TAOK1: variants seen among roughly 807,000 people sequenced by gnomAD.
TAOK1 encodes the protein serine/threonine-protein kinase TAO1.
In TAOK1, 21 loss-of-function variants were observed where a neutral mutation model predicts 138.3. That is an observed-to-expected ratio of 0.15 (90% CI 0.11 to 0.22). The LOEUF is 0.22. Among genes scored for constraint, TAOK1 ranks in the 10% least tolerant of loss-of-function variants. The probability of loss-of-function intolerance (pLI) is 1.00; values close to 1 mark genes in which losing one functional copy is unlikely to be tolerated. For synonymous variants in TAOK1, 361 were observed against 398.4 expected (o/e 0.91, Z 1.12); for missense variants, 651 against 1,227.7 (o/e 0.53, Z 7.02).
chr17:29,441,688 T>A (rs763208233), intron 1 of TAOK1, among the ~76,000 whole-genome samples: 10 of 151,986 alleles, frequency 6.6e-5, no homozygotes, highest in Non-Finnish European at 1.2e-4. Flanking sequence ...GATCACGAGG[T>A]GAAGAATCGA....
At chr17:29,451,817 CGAGAGCGAGAGCGT>C in intron 2 of TAOK1, 137 bp downstream of exon 2, 1 of 875,730 alleles carries the variant, frequency 1.1e-6, no homozygotes, top group Non-Finnish European at 1.7e-6. Flanking sequence ...AGAGAGAGCG[CGAGAGCGAGAGCGT>C]GGGTGAGTGT....
At chr17:29,392,005 A>C (rs1438124586) in intron 1 of TAOK1, among the ~76,000 whole-genome samples, 1 of 152,206 alleles carries the variant, frequency 6.6e-6, no homozygotes, top group Non-Finnish European at 1.5e-5. Flanking sequence ...TCACGAAGTC[A>C]GGAGATCGAG....
At chr17:29,400,680 C>T (rs1007876348) in intron 1 of TAOK1, among the ~76,000 whole-genome samples, 4 of 152,104 alleles carry the variant, frequency 2.6e-5, no homozygotes, top group African/African-American at 9.6e-5. Flanking sequence ...AGAATTCCAC[C>T]TTCTGAATAG....
chr17:29,441,181 A>C (rs1300330445), intron 1 of TAOK1, among the ~76,000 whole-genome samples: 1 of 152,176 alleles, frequency 6.6e-6, no homozygotes, highest in Non-Finnish European at 1.5e-5. Flanking sequence ...GTATCAAGGC[A>C]CTACTGGCCC....
intron 15 of TAOK1, chr17:29,511,817 G>A (rs2031726296): frequency 6.6e-6 from 1 of 152,248 alleles, no homozygotes; most frequent in South Asian, 2.0e-4. Context: ...AAAGTGCTGG[G>A]ATTATAGGCA....
At position 29,421,509 on chromosome 17, in the gene TAOK1, T is replaced by G. The variant is rs142697208; in HGVS notation, c.-94-29946T>G. 1.4e-3 allele frequency among the ~76,000 whole-genome samples: 212 copies of G among 152,348 alleles called. 1 individual carries two copies. The highest frequency in any genetic ancestry group is 5.0e-3 in the African/African-American group (207 of 41,590). ...CTGGTATTATTTTTTCTTAGATATT[T>G]GATAGAATTTCCCTGTGAAACCATC... is the stretch of plus-strand genomic sequence containing the variant. On this transcript the variant is annotated intron_variant, in intron 1 of 19. Transcript: ENST00000261716.
intron 1 of TAOK1, among the ~76,000 whole-genome samples, chr17:29,406,052 C>CATACA (rs1904982213): frequency 6.6e-6 from 1 of 152,112 alleles, no homozygotes; most frequent in South Asian, 2.1e-4. Context: ...CAAGTAAATA[C>CATACA]ATACAATAGT....
intron 1 of TAOK1, among the ~76,000 whole-genome samples, chr17:29,442,010 C>T (rs757330692): frequency 9.2e-5 from 14 of 151,786 alleles, no homozygotes; most frequent in Non-Finnish European, 1.3e-4. Flanking sequence ...TTTTCAAGAA[C>T]CAACTTCTTG....
rs552915209 is a variant in TAOK1, at chr17:29,407,031, T to C, written c.-95+16007T>C. Among the ~76,000 whole-genome samples the C allele has an allele frequency of 1.2e-4, 19 of 152,318 alleles. No homozygotes were observed. In the South Asian group the frequency reaches 3.9e-3, roughly 32 times the overall value. Reference sequence around the variant, plus strand: ...TACCTCTTACAGTTCTTTCTTTTTTTAGATACAGGGTCTTGCTCTTTTGCC... The same window carrying C: ...TACCTCTTACAGTTCTTTCTTTTTTCAGATACAGGGTCTTGCTCTTTTGCC... On this transcript the variant is annotated intron_variant, in intron 1 of 19. Transcript: ENST00000261716.
chr17:29,502,798 A>G lies in TAOK1; in HGVS notation c.1338+75A>G, dbSNP rs555097337. On this transcript the variant is annotated intron_variant, in intron 13 of 19. Coordinates refer to ENST00000261716, the MANE Select transcript of TAOK1 (RefSeq NM_020791.4). ...TGGCAATATAAACTCAAGTATAGCT[A>G]TATATTGTTTTGTATTTGGGTTTTA... The G allele has an allele frequency of 2.0e-5, 30 of 1,483,796 alleles. 1 individual carries two copies. In the East Asian group the frequency reaches 5.6e-4, roughly 28 times the overall value. The allele number at this position is 1,483,796 out of a possible 1,614,324, so 91.9% of individuals were successfully genotyped here. A position where few individuals can be genotyped will look rare whatever the true frequency, so the allele number is the denominator to read the frequency against.
chr17:29,401,024 C>T (rs1467676247), intron 1 of TAOK1, among the ~76,000 whole-genome samples: 1 of 151,218 alleles, frequency 6.6e-6, no homozygotes. Context: ...ATCCTCCCAC[C>T]TCAGCCTCCT....
chr17:29,470,512 TA>T (rs2030788496), intron 3 of TAOK1, among the ~76,000 whole-genome samples: 1 of 148,828 alleles, frequency 6.7e-6, no homozygotes. Context: ...TTATGGTATA[TA>T]AATTATATAT....
At position 29,467,217 on chromosome 17, in the gene TAOK1, G is replaced by A. The variant is rs533275090; in HGVS notation, c.204+1G>A. On this transcript the variant is annotated splice_donor_variant, in intron 3 of 19. Transcript: ENST00000261716. LOFTEE classifies it high-confidence loss of function. The stretch of plus-strand genomic sequence containing the variant: ...TTATAGTGGAAAGCAGTCTACTGAG[G>A]TAGGTTAAATATGTACATTCTTGTT... 1 of 1,587,554 alleles carries A rather than the reference G, an allele frequency of 6.3e-7. No homozygotes were observed. Among genetic ancestry groups the A allele is most frequent in the African/African-American group, 1.3e-5 (1 of 74,504 alleles).
chr17:29,520,901 G>A (rs1200253646), intron 16 of TAOK1, among the ~76,000 whole-genome samples: 1 of 151,910 alleles, frequency 6.6e-6, no homozygotes, highest in Non-Finnish European at 1.5e-5. Context: ...GCACATGCCT[G>A]TAGTCCCAGC....
intron 3 of TAOK1, among the ~76,000 whole-genome samples, chr17:29,473,678 G>GGA (rs2030878993): frequency 6.7e-6 from 1 of 150,328 alleles, no homozygotes; most frequent in African/African-American, 2.4e-5. Flanking sequence ...TAACTTGCAT[G>GGA]TAGCCTCTAC....
At chr17:29,501,681 A>T (rs1003019129) in intron 12 of TAOK1, among the ~76,000 whole-genome samples, 1 of 151,668 alleles carries the variant, frequency 6.6e-6, no homozygotes, top group South Asian at 2.1e-4. Flanking sequence ...TACATGTTTC[A>T]TCAGCTTTGT....
intron 15 of TAOK1, chr17:29,513,957 AAAAAAAT>A (rs1326201038): frequency 6.6e-6 from 1 of 151,884 alleles, no homozygotes; most frequent in African/African-American, 2.4e-5. Context: ...AAATAAATTA[AAAAAAAT>A]AAAAAATAAA....
At chr17:29,466,763 A>C (rs2030678757) in intron 2 of TAOK1, among the ~76,000 whole-genome samples, 2 of 151,432 alleles carry the variant, frequency 1.3e-5, no homozygotes, top group South Asian at 4.2e-4. Flanking sequence ...TCTTTAGGTC[A>C]GTTTTAGTAA....
intron 9 of TAOK1, among the ~76,000 whole-genome samples, chr17:29,490,737 G>T (rs1046705068): frequency 3.3e-5 from 5 of 152,160 alleles, no homozygotes; most frequent in Non-Finnish European, 5.9e-5. Flanking sequence ...AATTTATAAA[G>T]AACAGAAATT....
Sources: gnomAD v4.1 joint callset for allele counts (sites outside exome capture counted in the v4.1 genomes callset) on GRCh38, gnomAD v4.1.1 for gene constraint, MANE v1.5 for transcripts, NCBI Gene and HGNC (gene_info 2026-07-23, HGNC 2026-07-21) for gene names.